Variants in TXNDC9 observed in about 807,000 individuals in gnomAD.
TXNDC9 encodes the protein thioredoxin domain-containing protein 9.
In TXNDC9, 7 loss-of-function variants were observed where a neutral mutation model predicts 23.0. The ratio of observed to expected loss-of-function variants is 0.30; its 90% CI spans 0.17 to 0.57. The LOEUF (loss-of-function observed/expected upper bound fraction) is 0.57. Among genes scored for constraint, TXNDC9 ranks in the 20% least tolerant of loss-of-function variants. The probability of loss-of-function intolerance (pLI) is 0.90; values close to 1 mark genes in which losing one functional copy is unlikely to be tolerated. For missense variants in TXNDC9, 198 were observed against 252.6 expected, an observed-to-expected ratio of 0.78 and a Z score of 1.47; for synonymous variants, 72 against 90.6, an observed-to-expected ratio of 0.79 and a Z score of 1.17.
At chr2:99,315,565 C>T (rs1403850264), downstream of TXNDC9, among the ~76,000 whole-genome samples, 1 of 152,142 alleles carries the variant, frequency 6.6e-6, no homozygotes, top group East Asian at 1.9e-4. Context: ...TGTGACTTGT[C>T]ACATCAACAA....
In TXNDC9 at chr2:99,322,002, T is replaced by G. The variant is rs2094203050; in HGVS notation, c.516A>C (p.Thr172=). 1 of 1,613,584 alleles carries G rather than the reference T, an allele frequency of 6.2e-7. No homozygotes were observed. ...AACCGAGCCTCCATTCTAAAGTTTC[T>G]GTGGTGAAGTCATCTGTATTTCCTA... is the stretch of plus-strand genomic sequence containing the variant. ...TDLGNTDDFT[T]ETLEWRLGSS... Residue 172 remains threonine, a synonymous_variant, in exon 4 of 5, where the codon ACA becomes ACC. Coordinates refer to ENST00000264255, the MANE Select transcript of TXNDC9 (RefSeq NM_005783.4).
downstream of TXNDC9, among the ~76,000 whole-genome samples, chr2:99,317,697 T>G (rs968381830): frequency 1.3e-5 from 2 of 151,984 alleles, no homozygotes; most frequent in African/African-American, 4.8e-5. Context: ...AGGCTGGTCT[T>G]GTACTCCTGG....
chr2:99,322,805 A>C, intron 3 of TXNDC9: 2 of 1,097,100 alleles, frequency 1.8e-6, no homozygotes, highest in Non-Finnish European at 2.4e-6. Context: ...CCTGTCCCCC[A>C]GGCTGGAGTG....
At chr2:99,310,970 T>C in the TXNDC9 span, among the ~76,000 whole-genome samples, 1 of 152,140 alleles carries the variant, frequency 6.6e-6, no homozygotes. Flanking sequence ...TTTCCAGTCT[T>C]CTTGATCAGA....
chr2:99,334,852 C>T (rs915767550), intron 1 of TXNDC9, among the ~76,000 whole-genome samples: 4 of 152,180 alleles, frequency 2.6e-5, no homozygotes, highest in Non-Finnish European at 5.9e-5. Flanking sequence ...GCCGGGACTA[C>T]AGGCGCCCGC....
At chr2:99,324,189 G>A (rs1371276236) in intron 3 of TXNDC9, among the ~76,000 whole-genome samples, 1 of 152,154 alleles carries the variant, frequency 6.6e-6, no homozygotes, top group African/African-American at 2.4e-5. Context: ...AAATTCTCTG[G>A]CAGTGGAGTT....
At chr2:99,323,146 T>A (rs2094206217) in intron 3 of TXNDC9, among the ~76,000 whole-genome samples, 1 of 152,034 alleles carries the variant, frequency 6.6e-6, no homozygotes, top group African/African-American at 2.4e-5. Flanking sequence ...GTGGCTCACA[T>A]CTGTAATCTT....
intron 3 of TXNDC9, chr2:99,322,779 G>C: frequency 7.7e-7 from 1 of 1,306,716 alleles, no homozygotes; most frequent in Non-Finnish European, 9.9e-7. Context: ...TTATTTTTTT[G>C]GAGGTGGCGT....
chr2:99,326,995 AT>A (rs1352132622), intron 3 of TXNDC9, among the ~76,000 whole-genome samples: 24 of 152,238 alleles, frequency 1.6e-4, no homozygotes, highest in African/African-American at 5.8e-4. Flanking sequence ...ATATGGGAAT[AT>A]TGACTTTCAG....
chr2:99,331,642 T>C (rs2094225815), intron 2 of TXNDC9, among the ~76,000 whole-genome samples: 1 of 152,232 alleles, frequency 6.6e-6, no homozygotes, highest in South Asian at 2.1e-4. Context: ...GACTCACTTA[T>C]AAAAGATTAT....
Position 99,334,957 on chromosome 2 carries a change from G to A in TXNDC9, c.-33+1282C>T, listed in dbSNP as rs1021333719. On this transcript the variant is annotated intron_variant, in intron 1 of 4. Transcript: ENST00000264255. ...CTACGATCTCCTGACCTCGTGATCC[G>A]CCCGCCTCGGCCTCCCAAAGTGCTG... Among the ~76,000 whole-genome samples the A allele has an allele frequency of 3.3e-5, 5 of 152,236 alleles. No homozygotes were observed. The South Asian group carries it at 6.2e-4, about 19-fold the overall frequency.
chr2:99,334,695 T>C (rs917535276), intron 1 of TXNDC9, among the ~76,000 whole-genome samples: 8 of 152,246 alleles, frequency 5.3e-5, no homozygotes, highest in African/African-American at 1.4e-4. Context: ...GAGTATTTTG[T>C]ACTAGCAATT....
chr2:99,326,422 C>T (rs936668242), intron 3 of TXNDC9, among the ~76,000 whole-genome samples: 2 of 152,226 alleles, frequency 1.3e-5, no homozygotes, highest in Admixed American at 1.3e-4. Context: ...CAGTGCTTGT[C>T]TGTCCTGGGT....
At chr2:99,314,481 T>G (rs2094183986), downstream of TXNDC9, among the ~76,000 whole-genome samples, 1 of 151,550 alleles carries the variant, frequency 6.6e-6, no homozygotes, top group Admixed American at 6.6e-5. Context: ...TGGAGAGGTT[T>G]TAAAGTGTAC....
intron 3 of TXNDC9, chr2:99,322,822 C>A: frequency 2.2e-6 from 2 of 925,174 alleles, no homozygotes; most frequent in Non-Finnish European, 2.8e-6. Flanking sequence ...AGTGCAGTGG[C>A]ACAAGCTCGG....
chr2:99,334,334 A>G (rs12991982), intron 1 of TXNDC9, among the ~76,000 whole-genome samples: 126,664 of 152,200 alleles, frequency 0.83, 53,288 homozygotes, highest in Middle Eastern at 0.98. Context: ...CACCCTGGGC[A>G]ACAGAGCCAG....
chr2:99,321,740 C>T (rs1368235145), intron 4 of TXNDC9: 3 of 527,536 alleles, frequency 5.7e-6, no homozygotes, highest in Non-Finnish European at 9.7e-6. Flanking sequence ...CTCAGTTTTA[C>T]CTATTAAATC....
intron 3 of TXNDC9, among the ~76,000 whole-genome samples, chr2:99,326,807 C>G (rs190425347): frequency 4.6e-5 from 7 of 152,296 alleles, no homozygotes; most frequent in Non-Finnish European, 5.9e-5. Flanking sequence ...CTAGTTCCTT[C>G]AAGGAGGAAC....
chr2:99,314,781 T>C (rs1461381176), downstream of TXNDC9, among the ~76,000 whole-genome samples: 1 of 152,020 alleles, frequency 6.6e-6, no homozygotes, highest in Non-Finnish European at 1.5e-5. Flanking sequence ...CAAAGTGGGA[T>C]GTCATTGTGG....
Sources: gnomAD v4.1 joint callset for allele counts (sites outside exome capture counted in the v4.1 genomes callset) on GRCh38, gnomAD v4.1.1 for gene constraint, MANE v1.5 for transcripts, NCBI Gene and HGNC (gene_info 2026-07-23, HGNC 2026-07-21) for gene names.